STXBP5L: variants seen among roughly 807,000 people sequenced by gnomAD.
STXBP5L encodes syntaxin-binding protein 5-like.
A neutral mutation model predicts 144.5 loss-of-function variants in STXBP5L; 65 were observed. The observed-to-expected ratio is 0.45, with a 90% CI of 0.37 to 0.55. The LOEUF is 0.55. Among genes scored for constraint, STXBP5L ranks in the 20% least tolerant of loss-of-function variants. STXBP5L has a pLI of 0.00. For missense variants in STXBP5L, 1,298 were observed against 1,405.5 expected (o/e 0.92, Z 1.22); for synonymous variants, 505 against 469.6 (o/e 1.08, Z -0.97).
chr3:121,189,878 GTTATA>G (rs1327865299), intron 9 of STXBP5L, among the ~76,000 whole-genome samples: 8 of 152,174 alleles, frequency 5.3e-5, no homozygotes, highest in African/African-American at 1.2e-4. Context: ...TTCACTAACA[GTTATA>G]TTATAAATAA....
rs140759274 is a variant in STXBP5L at position 121,070,738 on chromosome 3, T to G, written c.470+25203T>G. Among the ~76,000 whole-genome samples the G allele has an allele frequency of 2.4e-3, 359 of 152,212 alleles. 2 individuals carry two copies. Among genetic ancestry groups the G allele is most frequent in the Middle Eastern group, 0.01 (3 of 294 alleles). On this transcript the variant is annotated intron_variant, in intron 5 of 26. Coordinates refer to ENST00000471454, the MANE Select transcript of STXBP5L (RefSeq NM_001308330.2). ...TTGTCCTAGATTTTTACAGGTGGTTTTAATATTATTTAGTTTACTGAGATG... is the reference window on the plus strand; with the variant it reads ...TTGTCCTAGATTTTTACAGGTGGTTGTAATATTATTTAGTTTACTGAGATG...
At chr3:121,012,467 A>G (rs370240408) in intron 3 of STXBP5L, among the ~76,000 whole-genome samples, 1 of 151,938 alleles carries the variant, frequency 6.6e-6, no homozygotes, top group South Asian at 2.1e-4. Context: ...TATATCTTCC[A>G]TATGGATATC....
At chr3:121,050,073 C>A (rs1947844325) in intron 5 of STXBP5L, among the ~76,000 whole-genome samples, 1 of 152,132 alleles carries the variant, frequency 6.6e-6, no homozygotes, top group Non-Finnish European at 1.5e-5. Flanking sequence ...TCCTGTCTTG[C>A]TCTTCTCTGT....
chr3:121,066,855 G>T (rs2107648438), intron 5 of STXBP5L, among the ~76,000 whole-genome samples: 1 of 152,112 alleles, frequency 6.6e-6, no homozygotes, highest in Middle Eastern at 3.4e-3. Flanking sequence ...TTTTCTATGT[G>T]GGGCAATTTT....
chr3:121,076,215 T>C (rs571471296), intron 5 of STXBP5L, among the ~76,000 whole-genome samples: 45 of 152,226 alleles, frequency 3.0e-4, no homozygotes, highest in Middle Eastern at 3.4e-3. Flanking sequence ...CCCCTTGGAG[T>C]TCCTCCCTTG....
chr3:121,067,359 T>A (rs1371228771), intron 5 of STXBP5L, among the ~76,000 whole-genome samples: 4 of 152,136 alleles, frequency 2.6e-5, no homozygotes, highest in Non-Finnish European at 4.4e-5. Context: ...GAACTAAAAC[T>A]TTTATAATTT....
At chr3:121,364,990 C>CT (rs2045823305) in intron 20 of STXBP5L, among the ~76,000 whole-genome samples, 2 of 151,588 alleles carry the variant, frequency 1.3e-5, no homozygotes, top group Admixed American at 6.6e-5. Flanking sequence ...TTTTTCCCCT[C>CT]TTTTTTTGAG....
chr3:121,252,381 CAAATAAAT>C (rs35454737), intron 15 of STXBP5L, among the ~76,000 whole-genome samples: 37 of 149,898 alleles, frequency 2.5e-4, no homozygotes, highest in African/African-American at 9.1e-4. Context: ...AGAAAAATAA[CAAATAAAT>C]AAATAAATAA....
At chr3:121,374,767 G>T (rs1412855376) in intron 20 of STXBP5L, among the ~76,000 whole-genome samples, 6 of 151,908 alleles carry the variant, frequency 3.9e-5, no homozygotes, top group Non-Finnish European at 8.8e-5. Flanking sequence ...AGACAAAGGT[G>T]GTATGGGGGT....
chr3:121,260,941 A>T (rs772865792), intron 18 of STXBP5L, among the ~76,000 whole-genome samples: 4 of 152,148 alleles, frequency 2.6e-5, no homozygotes, highest in Non-Finnish European at 5.9e-5. Context: ...TTGATGGATG[A>T]TGGGAGAGAA....
At position 121,245,297 on chromosome 3, in the gene STXBP5L, C is replaced by A. The variant is rs570964743; in HGVS notation, c.1400+4790C>A. 4.0e-5 allele frequency among the ~76,000 whole-genome samples: 6 copies of A among 148,540 alleles called. No homozygotes were observed. In the South Asian group the frequency reaches 1.3e-3, roughly 31 times the overall value. Reference sequence around the variant, plus strand: ...CCTGATGGTAAACACGAAGAAAATGCCTATAGAAGGTGCACAAAAGAAAAT... The same window carrying A: ...CCTGATGGTAAACACGAAGAAAATGACTATAGAAGGTGCACAAAAGAAAAT... On this transcript the variant is annotated intron_variant, in intron 14 of 26. Coordinates refer to ENST00000471454, the MANE Select transcript of STXBP5L (RefSeq NM_001308330.2).
At chr3:121,037,502 T>C (rs940315194) in intron 3 of STXBP5L, among the ~76,000 whole-genome samples, 3 of 152,100 alleles carry the variant, frequency 2.0e-5, no homozygotes, top group Admixed American at 6.6e-5. Flanking sequence ...ATGATCCTCC[T>C]GCCTTGGCCT....
At chr3:121,289,640 C>A (rs577844917) in intron 19 of STXBP5L, among the ~76,000 whole-genome samples, 1 of 152,058 alleles carries the variant, frequency 6.6e-6, no homozygotes, top group Admixed American at 6.6e-5. Context: ...CAGGATAGAC[C>A]ATATGATAGG....
chr3:121,066,672 T>G (rs1367589582), intron 5 of STXBP5L, among the ~76,000 whole-genome samples: 1 of 152,150 alleles, frequency 6.6e-6, no homozygotes, highest in Non-Finnish European at 1.5e-5. Context: ...GTTTAGTATG[T>G]AAGTTTCCAT....
chr3:120,990,024 G>T (rs1269320845), intron 3 of STXBP5L, among the ~76,000 whole-genome samples: 2 of 152,100 alleles, frequency 1.3e-5, no homozygotes, highest in Non-Finnish European at 2.9e-5. Context: ...AATTGTCCCT[G>T]TTTGCAGACG....
chr3:121,185,331 A>G lies in STXBP5L; in HGVS notation c.878-20592A>G, dbSNP rs1017699594. The stretch of plus-strand genomic sequence containing the variant: ...ATCCCATTTGTCAATTTTGGCTTTT[A>G]TTGCCATTGCTTTTGGTGTTTTAGA... On this transcript the variant is annotated intron_variant, in intron 9 of 26. Transcript: ENST00000471454. Among the ~76,000 whole-genome samples, 3 of 152,014 alleles carry G rather than the reference A, an allele frequency of 2.0e-5. No homozygotes were observed. In the South Asian group the frequency reaches 6.2e-4, roughly 32 times the overall value.
intron 3 of STXBP5L, among the ~76,000 whole-genome samples, chr3:120,984,744 A>G (rs1159575071): frequency 6.6e-6 from 1 of 150,954 alleles, no homozygotes; most frequent in East Asian, 1.9e-4. Context: ...TTGATTTTAA[A>G]AGAAGAGTTT....
At chr3:121,249,676 A>C (rs571231000) in intron 14 of STXBP5L, among the ~76,000 whole-genome samples, 3 of 152,206 alleles carry the variant, frequency 2.0e-5, no homozygotes, top group South Asian at 2.1e-4. Flanking sequence ...TATGCCTTTT[A>C]TTTCTTTTTC....
chr3:121,247,979 T>C (rs2049910169), intron 14 of STXBP5L, among the ~76,000 whole-genome samples: 1 of 152,256 alleles, frequency 6.6e-6, no homozygotes, highest in Admixed American at 6.5e-5. Flanking sequence ...CTGGCAAGCA[T>C]CTGTTACTAT....
Sources: gnomAD v4.1 joint callset for allele counts (sites outside exome capture counted in the v4.1 genomes callset) on GRCh38, gnomAD v4.1.1 for gene constraint, MANE v1.5 for transcripts, NCBI Gene and HGNC (gene_info 2026-07-23, HGNC 2026-07-21) for gene names.